Variants in PRDX4 observed in about 807,000 individuals in gnomAD.
PRDX4 encodes peroxiredoxin-4.
In PRDX4, 12 loss-of-function variants were observed where a neutral mutation model predicts 20.5. The ratio of observed to expected loss-of-function variants is 0.58; its 90% CI spans 0.37 to 0.95. PRDX4 has a LOEUF of 0.95. Ranked by LOEUF, PRDX4 falls within the 40% of genes least tolerant of loss-of-function variation. The pLI, the probability that PRDX4 is intolerant of heterozygous loss-of-function variation, is 0.01. For missense variants in PRDX4, 180 were observed against 207.3 expected (o/e 0.87, Z 0.81); for synonymous variants, 99 against 87.5 (o/e 1.13, Z -0.73).
intron 4 of PRDX4, among the ~76,000 whole-genome samples, chrX:23,681,639 A>G (rs1334396589): frequency 8.9e-6 from 1 of 112,651 alleles, no homozygotes; most frequent in African/African-American, 3.2e-5. Context: ...TATGCCCCAA[A>G]AACGACTGAG....
At chrX:23,672,251 C>G (rs1029837776) in intron 2 of PRDX4, among the ~76,000 whole-genome samples, 1 of 112,078 alleles carries the variant, frequency 8.9e-6, no homozygotes, top group Non-Finnish European at 1.9e-5. Context: ...CAGCGAGACT[C>G]CATCTCAAAA....
chrX:23,682,853 A>AAAATAT (rs1555933130), intron 5 of PRDX4, among the ~76,000 whole-genome samples: 26 of 14,866 alleles, frequency 1.7e-3, no homozygotes, highest in Non-Finnish European at 2.4e-3. Flanking sequence ...AAAAAAAAAA[A>AAAATAT]ATATATATAT....
chrX:23,674,596 T>TA (rs11301192), intron 2 of PRDX4, among the ~76,000 whole-genome samples: 1,435 of 106,531 alleles, frequency 0.013, 10 homozygotes, highest in South Asian at 0.036. Flanking sequence ...ATAGGAATAT[T>TA]AAAAAAAAAA....
intron 4 of PRDX4, among the ~76,000 whole-genome samples, chrX:23,681,353 T>C (rs923408701): frequency 1.8e-5 from 2 of 112,684 alleles, no homozygotes; most frequent in African/African-American, 6.4e-5. Context: ...CCATTAGCAG[T>C]CACTCCATGT....
rs1222380324 is a variant in PRDX4, at chrX:23,682,342, C to A, written c.600-54C>A. The A allele has an allele frequency of 4.0e-6, 4 of 993,407 alleles. No individual in the cohort carries two copies. The East Asian group carries it at 1.6e-4, about 41-fold the overall frequency. 81.9% of individuals were successfully genotyped at this position (993,407 alleles called of 1,213,427 possible). On this transcript the variant is annotated intron_variant, in intron 4 of 6. Coordinates refer to ENST00000379341, the MANE Select transcript of PRDX4 (RefSeq NM_006406.2). Reference sequence around the variant, plus strand: ...TTTGTGTGGATGGTATAGGAATTCACAATACATAAATGAGAAGAAATGACC... The same window carrying A: ...TTTGTGTGGATGGTATAGGAATTCAAAATACATAAATGAGAAGAAATGACC...
intron 2 of PRDX4, among the ~76,000 whole-genome samples, chrX:23,674,512 G>A (rs929538405): frequency 3.3e-4 from 36 of 109,788 alleles, no homozygotes; most frequent in African/African-American, 1.2e-3. Flanking sequence ...ATCAAGAAAG[G>A]AGGGGTGGGG....
At chrX:23,679,394 T>A in intron 4 of PRDX4, 107 bp downstream of exon 4, 1 of 938,412 alleles carries the variant, frequency 1.1e-6, no homozygotes, top group African/African-American at 2.0e-5. Flanking sequence ...TCAAGAAATA[T>A]AATTTTGAGG....
At chrX:23,682,853 A>AAAAAAAAAATATATAT (rs1555933130) in intron 5 of PRDX4, among the ~76,000 whole-genome samples, 2 of 14,878 alleles carry the variant, frequency 1.3e-4, no homozygotes, top group African/African-American at 4.3e-4. Context: ...AAAAAAAAAA[A>AAAAAAAAAATATATAT]ATATATATAT....
Position 23,675,189 on chromosome X carries a change from T to C in PRDX4, c.476+83T>C, listed in dbSNP as rs747013465. On this transcript the variant is annotated intron_variant, in intron 3 of 6. Coordinates refer to ENST00000379341, the MANE Select transcript of PRDX4 (RefSeq NM_006406.2). ...TGGACAGATAACTCTTGATATGATA[T>C]AAGAATATAGTCATTTATCAGACAA... The C allele has an allele frequency of 4.2e-6, 5 of 1,201,805 alleles. No individual in the cohort carries two copies. The Admixed American group carries it at 6.6e-5, about 16-fold the overall frequency.
intron 2 of PRDX4, among the ~76,000 whole-genome samples, chrX:23,673,211 T>C (rs1247223776): frequency 2.7e-5 from 3 of 112,134 alleles, no homozygotes; most frequent in African/African-American, 9.7e-5. Context: ...CCATAATGGG[T>C]AAGAGATAGT....
In PRDX4 at chrX:23,667,619, C is replaced by T. The variant is rs776033071; in HGVS notation, c.49C>T (p.His17Tyr). 5 of 1,196,586 alleles carry T rather than the reference C, an allele frequency of 4.2e-6. No homozygotes were observed. In the African/African-American group the frequency reaches 7.0e-5, roughly 17 times the overall value. ...LAATTPDHGR[H>Y]RRLLLLPLLL... Reference sequence around the variant, plus strand: ...CGCGACAACTCCGGACCACGGCCGCCACCGAAGGCTGCTTCTGCTGCCGCT... The same window carrying T: ...CGCGACAACTCCGGACCACGGCCGCTACCGAAGGCTGCTTCTGCTGCCGCT... Residue 17 changes from histidine to tyrosine, a missense_variant, in exon 1 of 7, where the codon CAC becomes TAC. His to Tyr is a moderately conservative substitution (Grantham distance 83). Transcript: ENST00000379341.
intron 4 of PRDX4, among the ~76,000 whole-genome samples, chrX:23,679,605 G>A (rs957571738): frequency 1.7e-4 from 18 of 108,127 alleles, no homozygotes; most frequent in African/African-American, 6.1e-4. Context: ...AGAATTGCTT[G>A]AACCTGGGAG....
intron 2 of PRDX4, among the ~76,000 whole-genome samples, chrX:23,672,477 T>G (rs888425986): frequency 8.9e-6 from 1 of 111,848 alleles, no homozygotes; most frequent in African/African-American, 3.2e-5. Flanking sequence ...ACAGTGAGCG[T>G]TTTTGTATAT....
intron 6 of PRDX4, among the ~76,000 whole-genome samples, chrX:23,684,473 G>C (rs900593271): frequency 9.0e-6 from 1 of 111,082 alleles, no homozygotes; most frequent in Non-Finnish European, 1.9e-5. Context: ...ATTGAAACAC[G>C]TATATTCTTT....
chrX:23,673,797 C>T (rs889272202), intron 2 of PRDX4, among the ~76,000 whole-genome samples: 2 of 109,537 alleles, frequency 1.8e-5, no homozygotes, highest in African/African-American at 3.3e-5. Flanking sequence ...CCATTCCTAC[C>T]CTTTAGAAAA....
intron 2 of PRDX4, among the ~76,000 whole-genome samples, chrX:23,674,515 G>C (rs192922021): frequency 1.8e-5 from 2 of 109,725 alleles, no homozygotes; most frequent in East Asian, 5.7e-4. Flanking sequence ...AAGAAAGGAG[G>C]GGTGGGGGTA....
chrX:23,671,426 ATC>A, intron 1 of PRDX4, 101 bp from the exon 2 acceptor site: 1 of 618,396 alleles, frequency 1.6e-6, no homozygotes, highest in South Asian at 2.8e-5. Context: ...TGCCAAAGAG[ATC>A]TAAAGGTAGC....
rs149708815 is a variant in PRDX4, at chrX:23,677,041, C to T, written c.476+1935C>T. On this transcript the variant is annotated intron_variant, in intron 3 of 6. Coordinates refer to ENST00000379341, the MANE Select transcript of PRDX4 (RefSeq NM_006406.2). ...AGAGATGGAGTCTTGCCATGTTGCC[C>T]GGGCTGTGCTTCATCACTTCTGTAG... Among the ~76,000 whole-genome samples, 12 of 110,624 alleles carry T rather than the reference C, an allele frequency of 1.1e-4. No individual in the cohort carries two copies. In the East Asian group the frequency reaches 2.8e-3, roughly 26 times the overall value.
intron 6 of PRDX4, 73 bp downstream of exon 6, chrX:23,683,778 C>T: frequency 3.2e-6 from 3 of 938,724 alleles, no homozygotes; most frequent in Non-Finnish European, 2.9e-6. Context: ...GGCGCAGTGG[C>T]TCACGCCTGT....
Sources: gnomAD v4.1 joint callset for allele counts (sites outside exome capture counted in the v4.1 genomes callset) on GRCh38, gnomAD v4.1.1 for gene constraint, MANE v1.5 for transcripts, NCBI Gene and HGNC (gene_info 2026-07-23, HGNC 2026-07-21) for gene names.